NRG3: variants seen among roughly 807,000 people sequenced by gnomAD.
NRG3 encodes the protein pro-neuregulin-3, membrane-bound isoform.
NRG3 carries 31 observed loss-of-function variants against 66.9 expected under a neutral mutation model. The observed-to-expected ratio is 0.46, with a 90% CI of 0.35 to 0.63. NRG3 has a LOEUF of 0.63. Ranked by LOEUF, NRG3 falls within the 20% of genes least tolerant of loss-of-function variation. NRG3 has a pLI of 0.00. For synonymous variants in NRG3, 393 were observed against 359.4 expected, an observed-to-expected ratio of 1.09 and a Z score of -1.06; for missense variants, 910 against 878.9, an observed-to-expected ratio of 1.04 and a Z score of -0.45.
At chr10:82,206,430 G>T (rs926421815) in intron 1 of NRG3, among the ~76,000 whole-genome samples, 1 of 152,164 alleles carries the variant, frequency 6.6e-6, no homozygotes, top group Non-Finnish European at 1.5e-5. Flanking sequence ...CAGGCAGTAG[G>T]GATGGCTAGA....
chr10:82,787,204 T>C (rs2060406643), intron 3 of NRG3, among the ~76,000 whole-genome samples: 1 of 152,188 alleles, frequency 6.6e-6, no homozygotes, highest in African/African-American at 2.4e-5. Context: ...GGTGATGCCC[T>C]ACTGATTTTA....
intron 2 of NRG3, among the ~76,000 whole-genome samples, chr10:82,701,516 A>T (rs2055878885): frequency 6.6e-6 from 1 of 152,134 alleles, no homozygotes. Flanking sequence ...GAATGTACGG[A>T]TAGAGCCCTA....
intron 3 of NRG3, among the ~76,000 whole-genome samples, chr10:82,753,649 A>G (rs1423396973): frequency 1.3e-5 from 2 of 150,568 alleles, no homozygotes; most frequent in Non-Finnish European, 3.0e-5. Flanking sequence ...GGTTTTGTTT[A>G]CTACCTTTAA....
chr10:82,372,603 A>G (rs1040278066), intron 2 of NRG3, among the ~76,000 whole-genome samples: 2 of 152,128 alleles, frequency 1.3e-5, no homozygotes, highest in African/African-American at 4.8e-5. Flanking sequence ...TTATTCATGT[A>G]TTTATTTATC....
chr10:82,948,664 G>A (rs1271308110), intron 4 of NRG3, among the ~76,000 whole-genome samples: 2 of 151,974 alleles, frequency 1.3e-5, no homozygotes, highest in African/African-American at 4.8e-5. Context: ...TATTTTACAT[G>A]CTTTGATGCT....
At chr10:82,103,031 C>A (rs1363052970) in intron 1 of NRG3, among the ~76,000 whole-genome samples, 1 of 151,972 alleles carries the variant, frequency 6.6e-6, no homozygotes, top group Non-Finnish European at 1.5e-5. Context: ...CATATTTATT[C>A]TTGAGGAATT....
chr10:82,629,909 C>T (rs1190593903), intron 2 of NRG3, among the ~76,000 whole-genome samples: 1 of 152,058 alleles, frequency 6.6e-6, no homozygotes, highest in Non-Finnish European at 1.5e-5. Flanking sequence ...CCTTTTTTCT[C>T]CTCTTTGTGT....
chr10:82,458,726 T>C (rs998581298), intron 2 of NRG3, among the ~76,000 whole-genome samples: 2 of 152,276 alleles, frequency 1.3e-5, no homozygotes, highest in African/African-American at 4.8e-5. Context: ...CCCAACCTCA[T>C]GCAGCATCAG....
At chr10:82,155,229 G>T (rs1450084337) in intron 1 of NRG3, among the ~76,000 whole-genome samples, 2 of 151,666 alleles carry the variant, frequency 1.3e-5, no homozygotes, top group Non-Finnish European at 3.0e-5. Context: ...TCTTTAAATT[G>T]CTTTCAATGT....
intron 1 of NRG3, among the ~76,000 whole-genome samples, chr10:81,963,858 T>C (rs1476158017): frequency 6.6e-6 from 1 of 152,208 alleles, no homozygotes; most frequent in African/African-American, 2.4e-5. Flanking sequence ...AGTGGGATGT[T>C]ATTAGTCATG....
chr10:82,326,894 A>T (rs565614467), intron 1 of NRG3, among the ~76,000 whole-genome samples: 20 of 152,304 alleles, frequency 1.3e-4, no homozygotes, highest in Admixed American at 1.2e-3. Flanking sequence ...AATTGTAATT[A>T]CAAATTAGCT....
At chr10:82,962,919 A>T (rs1490028291) in intron 6 of NRG3, among the ~76,000 whole-genome samples, 1 of 152,164 alleles carries the variant, frequency 6.6e-6, no homozygotes, top group Admixed American at 6.5e-5. Flanking sequence ...AAAGGCACAT[A>T]TTTATCCAGT....
At chr10:82,583,768 T>G (rs968326529) in intron 2 of NRG3, among the ~76,000 whole-genome samples, 4 of 152,190 alleles carry the variant, frequency 2.6e-5, no homozygotes, top group African/African-American at 9.7e-5. Context: ...TCACTATTAA[T>G]TTTTGAACAA....
chr10:82,268,362 T>C (rs2078415681), intron 1 of NRG3, among the ~76,000 whole-genome samples: 1 of 152,144 alleles, frequency 6.6e-6, no homozygotes, highest in Admixed American at 6.6e-5. Context: ...CCAGTGTGGC[T>C]GGTCTGAAAC....
intron 1 of NRG3, among the ~76,000 whole-genome samples, chr10:82,344,474 T>C (rs1289387932): frequency 6.7e-6 from 1 of 148,868 alleles, no homozygotes; most frequent in Non-Finnish European, 1.5e-5. Flanking sequence ...TGTTGGACAT[T>C]TGGGTTGGTT....
At chr10:82,293,863 C>T (rs963485830) in intron 1 of NRG3, among the ~76,000 whole-genome samples, 1 of 151,942 alleles carries the variant, frequency 6.6e-6, no homozygotes, top group African/African-American at 2.4e-5. Context: ...CAAAAAAAGA[C>T]TTCTATTTCT....
At chr10:82,444,927 A>T (rs1457060983) in intron 2 of NRG3, among the ~76,000 whole-genome samples, 1 of 152,218 alleles carries the variant, frequency 6.6e-6, no homozygotes, top group Non-Finnish European at 1.5e-5. Flanking sequence ...CAGTGATCTG[A>T]ATGCACGTAA....
chr10:82,911,287 T>C (rs1170030618), intron 4 of NRG3, among the ~76,000 whole-genome samples: 1 of 152,154 alleles, frequency 6.6e-6, no homozygotes, highest in Admixed American at 6.5e-5. Context: ...TAAGGGCAGA[T>C]ATTTTTAATT....
At chr10:82,416,710 C>A (rs1324337386) in intron 2 of NRG3, among the ~76,000 whole-genome samples, 1 of 152,148 alleles carries the variant, frequency 6.6e-6, no homozygotes, top group Non-Finnish European at 1.5e-5. Flanking sequence ...CCCACCCTGA[C>A]CATCTCAGTG....
Sources: allele counts gnomAD v4.1 joint callset (sites outside exome capture counted in the v4.1 genomes callset), GRCh38; gene constraint gnomAD v4.1.1; transcripts MANE v1.5; gene names NCBI Gene and HGNC (gene_info 2026-07-23, HGNC 2026-07-21).